ERI3: variants seen among roughly 807,000 people sequenced by gnomAD.
ERI3 encodes ERI1 exoribonuclease 3.
ERI3 carries 18 observed loss-of-function variants against 44.4 expected under a neutral mutation model. The observed-to-expected ratio is 0.41, with a 90% CI of 0.28 to 0.60. The LOEUF is 0.60. ERI3 is among the 20% of genes least tolerant of loss of function. ERI3 has a pLI of 0.36. For missense variants in ERI3, 294 were observed against 435.5 expected (o/e 0.68, Z 2.89); for synonymous variants, 183 against 164.8 (o/e 1.11, Z -0.84).
At chr1:44,272,232 G>A (rs1645101185) in intron 7 of ERI3, among the ~76,000 whole-genome samples, 1 of 152,220 alleles carries the variant, frequency 6.6e-6, no homozygotes, top group Non-Finnish European at 1.5e-5. Context: ...GTTAGTAAGT[G>A]TAGAGCCAAG....
intron 5 of ERI3, among the ~76,000 whole-genome samples, chr1:44,310,841 C>T (rs755805623): frequency 1.1e-4 from 17 of 151,988 alleles, no homozygotes; most frequent in East Asian, 3.9e-4. Context: ...ACAGTCTGTA[C>T]ACCAGAAAAT....
rs767432722 is a variant in ERI3, at chr1:44,241,984, T to C, written c.931+5955A>G. 1.8e-4 allele frequency: 181 copies of C among 985,588 alleles called. No individual in the cohort carries two copies. The highest frequency in any genetic ancestry group is 2.1e-4 in the Non-Finnish European group (173 of 830,064). The allele number at this position is 985,588 out of a possible 1,614,324, so 61.1% of individuals were successfully genotyped here. A position where few individuals can be genotyped will look rare whatever the true frequency, so the allele number is the denominator to read the frequency against. ...CAGTCTGGTGTCTGGCAAGAACCAA[T>C]TCCTCAGATGTCTCTGGGGCTCCAA... On this transcript the variant is annotated intron_variant, in intron 8 of 8. Transcript: ENST00000372257. This position sits in a 1 kb window ranked among gnomAD's most constrained non-coding sequence, Gnocchi z 5.6.
At chr1:44,245,117 T>A (rs952622472) in intron 8 of ERI3, among the ~76,000 whole-genome samples, 2 of 152,106 alleles carry the variant, frequency 1.3e-5, no homozygotes, top group Non-Finnish European at 2.9e-5. Flanking sequence ...GCAGTCCACG[T>A]CAAACTCTTA....
At chr1:44,244,677 T>A (rs955663109) in intron 8 of ERI3, among the ~76,000 whole-genome samples, 1 of 151,878 alleles carries the variant, frequency 6.6e-6, no homozygotes, top group African/African-American at 2.4e-5. Context: ...CACTAGTCCT[T>A]CCCCTACAAA....
In ERI3 at chr1:44,334,108, T is replaced by A. The variant is rs539769320; in HGVS notation, c.489+4937A>T. On this transcript the variant is annotated intron_variant, in intron 3 of 8. Coordinates refer to ENST00000372257, the MANE Select transcript of ERI3 (RefSeq NM_024066.3). ...GGAGCCTGACGGATGGCCAGAGGACTTGGGGAGGAAAGTGGGTAGCCGCCA... is the reference window on the plus strand; with the variant it reads ...GGAGCCTGACGGATGGCCAGAGGACATGGGGAGGAAAGTGGGTAGCCGCCA... 3.3e-5 allele frequency among the ~76,000 whole-genome samples: 5 copies of A among 152,322 alleles called. No homozygotes were observed. The South Asian group carries it at 6.2e-4, about 19-fold the overall frequency.
chr1:44,262,927 C>T (rs1473467832), intron 7 of ERI3, among the ~76,000 whole-genome samples: 2 of 152,168 alleles, frequency 1.3e-5, no homozygotes, highest in East Asian at 1.9e-4. Flanking sequence ...CTACTCCCAC[C>T]GTTCACTCCC....
At chr1:44,324,904 T>C (rs908825876) in intron 3 of ERI3, among the ~76,000 whole-genome samples, 1 of 152,144 alleles carries the variant, frequency 6.6e-6, no homozygotes, top group African/African-American at 2.4e-5. Context: ...AGCCTCAGAA[T>C]TGGGATTTTT....
At chr1:44,253,723 C>G (rs577465959) in intron 7 of ERI3, among the ~76,000 whole-genome samples, 1 of 152,232 alleles carries the variant, frequency 6.6e-6, no homozygotes, top group African/African-American at 2.4e-5. Context: ...AGTGAGACTG[C>G]CTGAAGGTAG....
At chr1:44,311,532 G>A (rs888164087) in intron 5 of ERI3, among the ~76,000 whole-genome samples, 10 of 152,180 alleles carry the variant, frequency 6.6e-5, no homozygotes, top group African/African-American at 2.4e-4. Context: ...AGAAGTAGCA[G>A]AAAGTAGCTT....
intron 3 of ERI3, among the ~76,000 whole-genome samples, chr1:44,333,860 G>A (rs562177891): frequency 6.6e-6 from 1 of 152,264 alleles, no homozygotes; most frequent in Admixed American, 6.5e-5. Flanking sequence ...ACAATTGTCT[G>A]GAAACGAGAA....
intron 3 of ERI3, among the ~76,000 whole-genome samples, chr1:44,329,141 C>T (rs909473527): frequency 4.6e-5 from 7 of 152,172 alleles, no homozygotes; most frequent in Admixed American, 2.6e-4. Context: ...AACCAAAAAG[C>T]AGGACTGGGT....
intron 6 of ERI3, among the ~76,000 whole-genome samples, chr1:44,300,626 C>T (rs568985169): frequency 6.6e-5 from 10 of 152,102 alleles, no homozygotes; most frequent in Non-Finnish European, 1.3e-4. Context: ...TGCTTTGGCT[C>T]CACAGAAACC....
chr1:44,339,881 C>T (rs1210617389), intron 2 of ERI3, among the ~76,000 whole-genome samples: 1 of 152,168 alleles, frequency 6.6e-6, no homozygotes, highest in East Asian at 1.9e-4. Context: ...TGAAGGCAAA[C>T]AAAGCGAATC....
At chr1:44,296,763 G>T (rs1057352257) in intron 6 of ERI3, among the ~76,000 whole-genome samples, 2 of 152,170 alleles carry the variant, frequency 1.3e-5, no homozygotes, top group African/African-American at 2.4e-5. Context: ...CTAGCTACCT[G>T]CCCAGAGGAA....
intron 8 of ERI3, among the ~76,000 whole-genome samples, chr1:44,238,166 G>C (rs1213326050): frequency 2.0e-5 from 3 of 152,124 alleles, no homozygotes; most frequent in African/African-American, 7.2e-5. Context: ...CAGCTGAGGA[G>C]CCATCATTAG....
intron 2 of ERI3, among the ~76,000 whole-genome samples, chr1:44,352,359 T>C (rs895306584): frequency 6.6e-6 from 1 of 152,202 alleles, no homozygotes; most frequent in Admixed American, 6.5e-5. Flanking sequence ...AGGAGATCAC[T>C]TGAACCCAGG....
intron 8 of ERI3, among the ~76,000 whole-genome samples, chr1:44,223,514 C>T (rs1207214260): frequency 1.3e-5 from 2 of 152,094 alleles, no homozygotes; most frequent in African/African-American, 4.8e-5. Context: ...TCTCCGGTAC[C>T]CTAGGGACCG....
rs1023923154 is a variant in ERI3, at chr1:44,228,996, G to C, written c.932-7356C>G. ...TGGGCAGCCAGGGAGGTCCACAAGA[G>C]GAGGTGGAGGGTGAATCCCACCTGC... On this transcript the variant is annotated intron_variant, in intron 8 of 8. Transcript: ENST00000372257. The surrounding 1 kb of genome is among the most constrained non-coding windows in gnomAD (Gnocchi z 4.3). 1.2e-4 allele frequency among the ~76,000 whole-genome samples: 19 copies of C among 152,206 alleles called. No individual in the cohort carries two copies. Among genetic ancestry groups the C allele is most frequent in the African/African-American group, 3.4e-4 (14 of 41,440 alleles).
intron 8 of ERI3, among the ~76,000 whole-genome samples, chr1:44,238,543 T>C (rs1393173861): frequency 2.0e-5 from 3 of 152,106 alleles, no homozygotes; most frequent in African/African-American, 7.2e-5. Flanking sequence ...AGCATCATCG[T>C]TGCGGAGATC....
Sources: allele counts gnomAD v4.1 joint callset (sites outside exome capture counted in the v4.1 genomes callset), GRCh38; gene constraint gnomAD v4.1.1; non-coding constraint Gnocchi (gnomAD v3.1); transcripts MANE v1.5; gene names NCBI Gene and HGNC (gene_info 2026-07-23, HGNC 2026-07-21).